The following ALK variants were observed in gnomAD, a reference collection of about 807,000 sequenced individuals.
ALK encodes ALK receptor tyrosine kinase.
A neutral mutation model predicts 163.1 loss-of-function variants in ALK; 74 were observed. The observed-to-expected ratio is 0.45, with a 90% CI of 0.38 to 0.55. The LOEUF is 0.55. Among genes scored for constraint, ALK ranks in the 20% least tolerant of loss-of-function variants. The probability of loss-of-function intolerance (pLI) is 0.00; values close to 1 mark genes in which losing one functional copy is unlikely to be tolerated. For missense variants in ALK, 2,063 were observed against 2,105.3 expected (o/e 0.98, Z 0.39); for synonymous variants, 960 against 843.2 (o/e 1.14, Z -2.40).
chr2:29,318,325 C>T lies in ALK; in HGVS notation c.1626G>A (p.Pro542=), dbSNP rs143916398. 1.1e-5 allele frequency: 18 copies of T among 1,613,626 alleles called. No individual in the cohort carries two copies. The highest frequency in any genetic ancestry group is 2.7e-5 in the African/African-American group (2 of 75,024). ...ATVTSATFPA[P]IKSSPCELRM... ...TTGCCTCACATGGAGAGCTCTTGAT[C>T]GGTGCAGGAAACGTAGCACTGGTCA... Residue 542 remains proline (P), a synonymous_variant, in exon 8 of 29, where the codon CCG becomes CCA. Transcript: ENST00000389048.
intron 3 of ALK, among the ~76,000 whole-genome samples, chr2:29,690,993 G>T (rs754575176): frequency 6.6e-6 from 1 of 152,162 alleles, no homozygotes; most frequent in African/African-American, 2.4e-5. Context: ...CTGGGATTAG[G>T]ATTGGAATAT....
At position 29,193,770 on chromosome 2, in the gene ALK, A is replaced by C; in HGVS notation, c.4317T>G (p.Ala1439=). ...AGGTGGTAGGCAGAGGTGGTGGGGCAGCTGGGCTGCGCTCCTCCTCCCGTT... is the reference window on the plus strand; with the variant it reads ...AGGTGGTAGGCAGAGGTGGTGGGGCCGCTGGGCTGCGCTCCTCCTCCCGTT... ...QAKREEERSP[A]APPPLPTTSS... The change falls in exon 29 of 29, where the codon GCT becomes GCG. Residue 1439 remains alanine (A), a synonymous_variant. Coordinates refer to ENST00000389048, the MANE Select transcript of ALK (RefSeq NM_004304.5). 1 of 1,594,744 alleles carries C rather than the reference A, an allele frequency of 6.3e-7. No homozygotes were observed. Among genetic ancestry groups the C allele is most frequent in the Non-Finnish European group, 8.5e-7 (1 of 1,169,706 alleles).
chr2:29,705,270 T>TATATAG (rs1678870542), intron 2 of ALK, among the ~76,000 whole-genome samples: 1 of 64,196 alleles, frequency 1.6e-5, no homozygotes, highest in Admixed American at 1.8e-4. Flanking sequence ...TATATATATA[T>TATATAG]ATATATATAT....
chr2:29,647,473 C>A (rs919521766), intron 3 of ALK, among the ~76,000 whole-genome samples: 7 of 152,174 alleles, frequency 4.6e-5, no homozygotes, highest in African/African-American at 1.7e-4. Flanking sequence ...CCAGAATGAT[C>A]TATCTCAGTG....
chr2:29,217,433 G>A (rs904218589), intron 23 of ALK, among the ~76,000 whole-genome samples: 3 of 152,070 alleles, frequency 2.0e-5, no homozygotes, highest in East Asian at 3.9e-4. Context: ...CAAACCCGAT[G>A]CTGAATCTAG....
chr2:29,895,036 T>G (rs1321692344), intron 1 of ALK, among the ~76,000 whole-genome samples: 1 of 152,172 alleles, frequency 6.6e-6, no homozygotes, highest in African/African-American at 2.4e-5. Context: ...TCAAGTCATG[T>G]GCTTCCTTTC....
At chr2:29,300,959 A>C (rs986496836) in intron 8 of ALK, among the ~76,000 whole-genome samples, 48 of 152,160 alleles carry the variant, frequency 3.2e-4, no homozygotes, top group African/African-American at 1.1e-3. Context: ...TTAAAGCAAG[A>C]TTGAAATTGT....
At chr2:29,259,985 G>A (rs11127210) in intron 11 of ALK, among the ~76,000 whole-genome samples, 112,157 of 151,888 alleles carry the variant, frequency 0.74, 41,719 homozygotes, top group East Asian at 0.79. Context: ...AGGAAATTTA[G>A]AATTATCAGA....
chr2:29,422,524 G>C (rs536064653), intron 4 of ALK, among the ~76,000 whole-genome samples: 2 of 152,282 alleles, frequency 1.3e-5, no homozygotes, highest in East Asian at 1.9e-4. Context: ...GAGTGCCTTG[G>C]CCTTAGTACA....
intron 5 of ALK, among the ~76,000 whole-genome samples, chr2:29,379,783 C>A (rs931919516): frequency 6.6e-6 from 1 of 152,070 alleles, no homozygotes; most frequent in African/African-American, 2.4e-5. Context: ...TTGGCTGCTG[C>A]CAAAATTCAA....
chr2:29,301,033 T>C (rs1029334059), intron 8 of ALK, among the ~76,000 whole-genome samples: 1 of 152,212 alleles, frequency 6.6e-6, no homozygotes, highest in Non-Finnish European at 1.5e-5. Flanking sequence ...ACTGAAGAAC[T>C]GTCTGCATTA....
At position 29,821,561 on chromosome 2, in the gene ALK, C is replaced by T. The variant is rs145441707; in HGVS notation, c.667+98432G>A. Among the ~76,000 whole-genome samples, 17 of 152,242 alleles carry T rather than the reference C, an allele frequency of 1.1e-4. No homozygotes were observed. In the East Asian group the frequency reaches 3.1e-3, roughly 28 times the overall value. ...CCCTGAAAGGTCCAAGACCAACCCC[C>T]ACAAATGAGAGTGAAAAGGAAGCTG... On this transcript the variant is annotated intron_variant, in intron 1 of 28. Coordinates refer to ENST00000389048, the MANE Select transcript of ALK (RefSeq NM_004304.5).
intron 1 of ALK, among the ~76,000 whole-genome samples, chr2:29,836,930 T>A (rs1665577356): frequency 6.6e-6 from 1 of 152,226 alleles, no homozygotes; most frequent in Non-Finnish European, 1.5e-5. Context: ...GAGCTATGTG[T>A]CCTAGTGCAA....
chr2:29,743,203 C>T (rs1160904624), intron 1 of ALK, among the ~76,000 whole-genome samples: 1 of 152,206 alleles, frequency 6.6e-6, no homozygotes, highest in Non-Finnish European at 1.5e-5. Flanking sequence ...CATAAGCTAG[C>T]TGAGATTTCT....
chr2:29,818,330 T>G (rs1420913181), intron 1 of ALK, among the ~76,000 whole-genome samples: 3 of 152,230 alleles, frequency 2.0e-5, no homozygotes, highest in Non-Finnish European at 4.4e-5. Flanking sequence ...CCTGGCCTAT[T>G]TTTAGATTTC....
intron 3 of ALK, among the ~76,000 whole-genome samples, chr2:29,560,723 T>C (rs1465877150): frequency 6.6e-6 from 1 of 151,780 alleles, no homozygotes; most frequent in African/African-American, 2.4e-5. Flanking sequence ...AGGTGTACAC[T>C]ACCATGCCTG....
intron 11 of ALK, among the ~76,000 whole-genome samples, chr2:29,253,480 T>C (rs1664874484): frequency 6.6e-6 from 1 of 152,134 alleles, no homozygotes; most frequent in African/African-American, 2.4e-5. Flanking sequence ...TCCCAAACTC[T>C]AAACATGTGA....
At chr2:29,710,540 G>C (rs1288130618) in intron 2 of ALK, among the ~76,000 whole-genome samples, 10 of 149,422 alleles carry the variant, frequency 6.7e-5, no homozygotes, top group Non-Finnish European at 1.0e-4. Flanking sequence ...GTGTATGATG[G>C]AGTCTCGTTC....
At chr2:29,268,088 G>A (rs1025693592) in intron 11 of ALK, among the ~76,000 whole-genome samples, 3 of 152,212 alleles carry the variant, frequency 2.0e-5, no homozygotes, top group Admixed American at 6.5e-5. Flanking sequence ...CCTGTCTGCT[G>A]CTTAGAAGGG....
Sources: gnomAD v4.1 joint callset for allele counts (sites outside exome capture counted in the v4.1 genomes callset) on GRCh38, gnomAD v4.1.1 for gene constraint, MANE v1.5 for transcripts, NCBI Gene and HGNC (gene_info 2026-07-23, HGNC 2026-07-21) for gene names.